ALPL: variants seen among roughly 807,000 people sequenced by gnomAD.
The protein encoded by ALPL is alkaline phosphatase, biomineralization associated.
Under a neutral mutation model 51.3 loss-of-function variants are expected in ALPL, and 42 were observed. The observed-to-expected ratio is 0.82, with a 90% CI of 0.64 to 1.06. The LOEUF is 1.06. Among genes scored for constraint, ALPL ranks in the 50% least tolerant of loss-of-function variants. The pLI, the probability that ALPL is intolerant of heterozygous loss-of-function variation, is 0.00. For missense variants in ALPL, 589 were observed against 709.4 expected, an observed-to-expected ratio of 0.83 and a Z score of 1.93; for synonymous variants, 279 against 296.4, an observed-to-expected ratio of 0.94 and a Z score of 0.60.
In ALPL at chr1:21,568,172, C is replaced by T. The variant is rs780024242; in HGVS notation, c.717C>T (p.Asp239=). 18 of 1,613,858 alleles carry T rather than the reference C, an allele frequency of 1.1e-5. No individual in the cohort carries two copies. The East Asian group carries it at 1.3e-4, about 12-fold the overall frequency. The stretch of plus-strand genomic sequence containing the variant: ...AAACTGATGTGGAGTATGAGAGTGA[C>T]GAGAAAGCCAGGGGCACGAGGCTGG... The part of the protein sequence containing the change: ...KNKTDVEYES[D]EKARGTRLDG... The change falls in exon 7 of 12, where the codon GAC becomes GAT. Residue 239 remains aspartate, a synonymous_variant. Transcript: ENST00000374840.
At chr1:21,537,611 G>A (rs1004923675) in intron 1 of ALPL, among the ~76,000 whole-genome samples, 3 of 152,192 alleles carry the variant, frequency 2.0e-5, no homozygotes, top group Non-Finnish European at 4.4e-5. Flanking sequence ...AGCTCATGCA[G>A]CCCCACTGAG....
At chr1:21,538,047 C>T (rs1385450087) in intron 1 of ALPL, among the ~76,000 whole-genome samples, 3 of 152,120 alleles carry the variant, frequency 2.0e-5, no homozygotes, top group East Asian at 3.9e-4. Context: ...GAGCAGTGCC[C>T]GGCACACTCG....
chr1:21,573,171 C>A (rs1369180372), intron 8 of ALPL, among the ~76,000 whole-genome samples: 3 of 152,206 alleles, frequency 2.0e-5, no homozygotes, highest in African/African-American at 7.2e-5. Flanking sequence ...CGGAGGCTCA[C>A]GCCTGTAATC....
At chr1:21,545,275 TTTTTTGTTTTTG>T (rs564619128) in intron 1 of ALPL, among the ~76,000 whole-genome samples, 22 of 145,300 alleles carry the variant, frequency 1.5e-4, no homozygotes, top group African/African-American at 5.9e-4. Context: ...TTTTGGGGGT[TTTTTTGTTTTTG>T]TTTTTGTTTT....
At chr1:21,563,388 G>A in intron 5 of ALPL, 104 bp downstream of exon 5, 1 of 1,369,908 alleles carries the variant, frequency 7.3e-7, no homozygotes, top group African/African-American at 1.5e-5. Flanking sequence ...GCTTCTCTGT[G>A]GGGCTCCCAG....
chr1:21,551,350 C>G (rs978111655), intron 1 of ALPL: 12 of 152,062 alleles, frequency 7.9e-5, no homozygotes, highest in African/African-American at 2.9e-4. Context: ...GAGGTACATG[C>G]GATGTTTGAG....
chr1:21,572,749 G>T (rs1362045067), intron 8 of ALPL, among the ~76,000 whole-genome samples: 1 of 152,194 alleles, frequency 6.6e-6, no homozygotes, highest in Non-Finnish European at 1.5e-5. Flanking sequence ...ACCAGCATGG[G>T]ACACATGGAA....
intron 2 of ALPL, among the ~76,000 whole-genome samples, chr1:21,557,338 C>T (rs181058530): frequency 4.2e-4 from 64 of 152,284 alleles, no homozygotes; most frequent in African/African-American, 1.4e-3. Context: ...TCTCTTAGGA[C>T]GGCTGTATTT....
rs1375518018 is a variant in ALPL, at chr1:21,575,926, T to C, written c.1189+2T>C. ...CCCCCCGTGGCAACTCTATCTTTGG[T>C]AGGTGGGCCTTCTTTGGGGTGGACA... On this transcript the variant is annotated splice_donor_variant, in intron 10 of 11. Transcript: ENST00000374840. LOFTEE classifies it high-confidence loss of function. 3.1e-6 allele frequency: 5 copies of C among 1,614,212 alleles called. No individual in the cohort carries two copies. The highest frequency in any genetic ancestry group is 4.2e-6 in the Non-Finnish European group (5 of 1,180,030).
intron 6 of ALPL, among the ~76,000 whole-genome samples, chr1:21,566,336 T>A (rs776077877): frequency 3.9e-5 from 6 of 152,130 alleles, no homozygotes; most frequent in Non-Finnish European, 5.9e-5. Context: ...AAGGCTGGAG[T>A]GTAGTGGTGC....
chr1:21,517,020 G>A (rs1255665517), intron 1 of ALPL, among the ~76,000 whole-genome samples: 1 of 152,114 alleles, frequency 6.6e-6, no homozygotes, highest in Non-Finnish European at 1.5e-5. Context: ...CCTATAGTTG[G>A]GCAAATCATC....
intron 2 of ALPL, among the ~76,000 whole-genome samples, chr1:21,558,986 C>A (rs1191497707): frequency 6.6e-6 from 1 of 152,196 alleles, no homozygotes; most frequent in African/African-American, 2.4e-5. Context: ...ATAAGAGAAG[C>A]TGTGTGGGGG....
At chr1:21,512,300 G>A (rs1300582519) in intron 1 of ALPL, among the ~76,000 whole-genome samples, 1 of 152,152 alleles carries the variant, frequency 6.6e-6, no homozygotes, top group Non-Finnish European at 1.5e-5. Context: ...ACTGCCATGC[G>A]ACCCTGGACA....
chr1:21,577,456 C>G lies in ALPL; in HGVS notation c.1383C>G (p.Val461=). ...HETHGGEDVA[V]FSKGPMAHLL... ...CCCACGGCGGGGAGGACGTGGCCGT[C>G]TTCTCCAAGGGCCCCATGGCGCACC... The change falls in exon 12 of 12, where the codon GTC becomes GTG. Residue 461 remains valine, a synonymous_variant. Transcript: ENST00000374840. The G allele has an allele frequency of 6.2e-7, 1 of 1,611,526 alleles. No individual in the cohort carries two copies. The highest frequency in any genetic ancestry group is 8.5e-7 in the Non-Finnish European group (1 of 1,179,944).
intron 1 of ALPL, among the ~76,000 whole-genome samples, chr1:21,524,644 T>C (rs1417386069): frequency 6.6e-6 from 1 of 152,202 alleles, no homozygotes; most frequent in African/African-American, 2.4e-5. Context: ...TAATGAGTAC[T>C]AGATAATTCT....
At chr1:21,514,195 G>C (rs923982281) in intron 1 of ALPL, among the ~76,000 whole-genome samples, 1 of 152,154 alleles carries the variant, frequency 6.6e-6, no homozygotes, top group South Asian at 2.1e-4. Flanking sequence ...CTGGAGGTTT[G>C]GGGGTGATAG....
chr1:21,560,545 A>G (rs2148150572), intron 2 of ALPL, 81 bp from the exon 3 acceptor site: 1 of 1,566,330 alleles, frequency 6.4e-7, no homozygotes, highest in South Asian at 1.2e-5. Context: ...AGCCTGAGCA[A>G]TCAGAAGTGG....
intron 1 of ALPL, among the ~76,000 whole-genome samples, chr1:21,541,359 A>T (rs118003755): frequency 1.3e-5 from 2 of 152,194 alleles, no homozygotes; most frequent in African/African-American, 4.8e-5. Flanking sequence ...GGGTGAGGTC[A>T]CCTGCTCTGA....
intron 1 of ALPL, among the ~76,000 whole-genome samples, chr1:21,533,919 T>G (rs1644062755): frequency 1.5e-5 from 1 of 68,804 alleles, no homozygotes. Flanking sequence ...GTAAAACTCT[T>G]GTCTCAAAAA....
Sources: gnomAD v4.1 joint callset for allele counts (sites outside exome capture counted in the v4.1 genomes callset) on GRCh38, gnomAD v4.1.1 for gene constraint, MANE v1.5 for transcripts, NCBI Gene and HGNC (gene_info 2026-07-23, HGNC 2026-07-21) for gene names.